Variants in DCDC1 observed in about 807,000 individuals in gnomAD.
DCDC1 encodes doublecortin domain-containing protein 1.
DCDC1 carries 200 observed loss-of-function variants against 178.3 expected under a neutral mutation model. The observed-to-expected ratio is 1.12, with a 90% CI of 1.00 to 1.26. DCDC1 has a LOEUF of 1.26. Among genes scored for constraint, DCDC1 ranks in the 50% most tolerant of loss-of-function variants. DCDC1 has a pLI of 0.00. For synonymous variants in DCDC1, 690 were observed against 604.8 expected, an observed-to-expected ratio of 1.14 and a Z score of -2.07; for missense variants, 1,983 against 1,749.2, an observed-to-expected ratio of 1.13 and a Z score of -2.38.
intron 15 of DCDC1, among the ~76,000 whole-genome samples, chr11:31,095,612 C>T (rs768544605): frequency 2.6e-5 from 4 of 152,010 alleles, no homozygotes; most frequent in Non-Finnish European, 4.4e-5. Context: ...GAAATATGAG[C>T]TGAGACTTTA....
intron 11 of DCDC1, among the ~76,000 whole-genome samples, chr11:31,113,489 T>C (rs1959316542): frequency 7.3e-6 from 1 of 137,466 alleles, no homozygotes; most frequent in South Asian, 2.6e-4. Flanking sequence ...CCTTCCTGTG[T>C]CCATGTGTTC....
At chr11:31,233,894 A>G (rs534345599) in intron 9 of DCDC1, among the ~76,000 whole-genome samples, 1 of 152,328 alleles carries the variant, frequency 6.6e-6, no homozygotes, top group South Asian at 2.1e-4. Context: ...GTAGCTATTG[A>G]GTAATCAAAA....
At chr11:31,350,042 A>T (rs540998729) in intron 1 of DCDC1, among the ~76,000 whole-genome samples, 3 of 151,542 alleles carry the variant, frequency 2.0e-5, no homozygotes, top group African/African-American at 7.3e-5. Context: ...ATAGTTCTTT[A>T]AGTCTAGAAG....
chr11:31,132,426 T>C (rs1962558698), intron 10 of DCDC1, among the ~76,000 whole-genome samples: 1 of 152,250 alleles, frequency 6.6e-6, no homozygotes, highest in Admixed American at 6.5e-5. Flanking sequence ...TTATTTTACA[T>C]AATATGATTT....
intron 9 of DCDC1, among the ~76,000 whole-genome samples, chr11:31,193,215 C>T (rs993367773): frequency 6.6e-6 from 1 of 151,984 alleles, no homozygotes; most frequent in African/African-American, 2.4e-5. Flanking sequence ...AAGCCAATTA[C>T]CATAACAAAT....
intron 20 of DCDC1, among the ~76,000 whole-genome samples, chr11:30,975,182 A>AT (rs1430679947): frequency 6.6e-6 from 1 of 152,150 alleles, no homozygotes; most frequent in Non-Finnish European, 1.5e-5. Flanking sequence ...TTTCTTCATG[A>AT]TAAAAACTAT....
At chr11:31,142,744 C>A (rs1963981927) in intron 9 of DCDC1, among the ~76,000 whole-genome samples, 1 of 151,336 alleles carries the variant, frequency 6.6e-6, no homozygotes, top group Non-Finnish European at 1.5e-5. Flanking sequence ...TGTTAAATAC[C>A]TACTATTAAT....
intron 9 of DCDC1, among the ~76,000 whole-genome samples, chr11:31,149,118 C>T (rs1565349634): frequency 6.6e-6 from 1 of 151,816 alleles, no homozygotes; most frequent in African/African-American, 2.4e-5. Context: ...GTATATATAC[C>T]ACGTTTTCTT....
rs555727420 is a variant in DCDC1 at position 31,334,594 on chromosome 11, T to C, written c.-7+853A>G. ...TGGATGTCCTTTTTGTTGATGTTGA[T>C]GCTATTCCTTTCTGTTTGTTAGTTT... is the stretch of plus-strand genomic sequence containing the variant. On this transcript the variant is annotated intron_variant, in intron 2 of 38. Coordinates refer to ENST00000684477, the MANE Select transcript of DCDC1 (RefSeq NM_001387274.1). Among the ~76,000 whole-genome samples, 9 of 152,358 alleles carry C rather than the reference T, an allele frequency of 5.9e-5. No individual in the cohort carries two copies. In the East Asian group the frequency reaches 9.6e-4, roughly 16 times the overall value.
chr11:31,295,592 C>T (rs1947628631), intron 6 of DCDC1, among the ~76,000 whole-genome samples: 1 of 152,132 alleles, frequency 6.6e-6, no homozygotes, highest in East Asian at 1.9e-4. Flanking sequence ...GTAGCCAGTC[C>T]CCTTGCCTCA....
At chr11:31,225,379 G>T (rs1470349560) in intron 9 of DCDC1, among the ~76,000 whole-genome samples, 1 of 149,120 alleles carries the variant, frequency 6.7e-6, no homozygotes, top group Non-Finnish European at 1.5e-5. Flanking sequence ...GGGAAAGTTG[G>T]GGGGGAGTGA....
At chr11:31,355,775 G>A (rs1301931950) in intron 1 of DCDC1, among the ~76,000 whole-genome samples, 1 of 152,040 alleles carries the variant, frequency 6.6e-6, no homozygotes, top group African/African-American at 2.4e-5. Flanking sequence ...CACCATGTTG[G>A]CCAGGCCGGT....
chr11:31,310,503 T>G (rs1416838941), intron 3 of DCDC1, among the ~76,000 whole-genome samples: 3 of 151,806 alleles, frequency 2.0e-5, no homozygotes, highest in Non-Finnish European at 4.4e-5. Flanking sequence ...GTATTTTTAG[T>G]AGAGACGGTG....
chr11:31,325,358 C>T (rs1290895448), intron 3 of DCDC1, among the ~76,000 whole-genome samples: 1 of 152,138 alleles, frequency 6.6e-6, no homozygotes, highest in Non-Finnish European at 1.5e-5. Flanking sequence ...TACTATTGTG[C>T]TACTTTCCTG....
intron 9 of DCDC1, among the ~76,000 whole-genome samples, chr11:31,160,632 A>G (rs1426382195): frequency 1.1e-4 from 16 of 152,228 alleles, no homozygotes; most frequent in Admixed American, 1.0e-3. Context: ...ACTCCCCAAG[A>G]GAACAGCATC....
intron 20 of DCDC1, among the ~76,000 whole-genome samples, chr11:31,050,773 T>C (rs978352312): frequency 6.6e-6 from 1 of 152,100 alleles, no homozygotes; most frequent in African/African-American, 2.4e-5. Context: ...GCAGTTCAAC[T>C]CACAGGAAGC....
chr11:31,059,605 T>C (rs1357354901), intron 20 of DCDC1, among the ~76,000 whole-genome samples: 1 of 152,052 alleles, frequency 6.6e-6, no homozygotes, highest in Non-Finnish European at 1.5e-5. Context: ...TTTACCTTTA[T>C]TGGTAATAGT....
chr11:31,170,353 A>G (rs923183023), intron 9 of DCDC1, among the ~76,000 whole-genome samples: 10 of 152,212 alleles, frequency 6.6e-5, no homozygotes, highest in African/African-American at 1.4e-4. Flanking sequence ...CCTCAAAGCT[A>G]TAAATCCCAA....
In DCDC1 at chr11:31,312,364, C is replaced by T. The variant is rs568014539; in HGVS notation, c.165-4456G>A. Among the ~76,000 whole-genome samples, 8 of 152,212 alleles carry T rather than the reference C, an allele frequency of 5.3e-5. No homozygotes were observed. The East Asian group carries it at 5.8e-4, about 11-fold the overall frequency. On this transcript the variant is annotated intron_variant, in intron 3 of 38. Coordinates refer to ENST00000684477, the MANE Select transcript of DCDC1 (RefSeq NM_001387274.1). ...TCCAGATGAGTAAACCAAGGGCTTA[C>T]GGTATTTGAACTTATGTCTACAATC...
Sources: gnomAD v4.1 joint callset for allele counts (sites outside exome capture counted in the v4.1 genomes callset) on GRCh38, gnomAD v4.1.1 for gene constraint, MANE v1.5 for transcripts, NCBI Gene and HGNC (gene_info 2026-07-23, HGNC 2026-07-21) for gene names.